Variants in HS3ST5 observed in about 807,000 individuals in gnomAD.
HS3ST5 encodes heparan sulfate glucosamine 3-O-sulfotransferase 5.
In HS3ST5, 10 loss-of-function variants were observed where a neutral mutation model predicts 25.4. That is an observed-to-expected ratio of 0.39 (90% CI 0.24 to 0.67). The LOEUF (loss-of-function observed/expected upper bound fraction) is 0.67. HS3ST5 is among the 30% of genes least tolerant of loss of function. The pLI, the probability that HS3ST5 is intolerant of heterozygous loss-of-function variation, is 0.44. For missense variants in HS3ST5, 324 were observed against 420.7 expected (o/e 0.77, Z 2.01); for synonymous variants, 170 against 162.4 (o/e 1.05, Z -0.36).
chr6:114,144,397 C>T (rs1396445708), intron 3 of HS3ST5, among the ~76,000 whole-genome samples: 4 of 150,800 alleles, frequency 2.7e-5, no homozygotes, highest in Non-Finnish European at 4.4e-5. Context: ...AATCAGAGCC[C>T]GATAAAGACA....
chr6:114,103,604 T>G (rs1303274620), intron 3 of HS3ST5, among the ~76,000 whole-genome samples: 2 of 151,902 alleles, frequency 1.3e-5, no homozygotes, highest in Non-Finnish European at 2.9e-5. Context: ...TTTTTTTTTA[T>G]AGAGACAGGG....
At chr6:114,150,505 A>G (rs1778398017) in intron 3 of HS3ST5, among the ~76,000 whole-genome samples, 1 of 152,246 alleles carries the variant, frequency 6.6e-6, no homozygotes. Context: ...TGCCCTTTAC[A>G]GAGAAGAGAA....
At chr6:114,324,950 T>G (rs1199399308) in intron 1 of HS3ST5, among the ~76,000 whole-genome samples, 1 of 152,208 alleles carries the variant, frequency 6.6e-6, no homozygotes, top group East Asian at 1.9e-4. Flanking sequence ...ACTGTCAAAC[T>G]AGGAAATGAT....
intron 1 of HS3ST5, among the ~76,000 whole-genome samples, chr6:114,264,697 T>G (rs1401284576): frequency 6.6e-6 from 1 of 152,166 alleles, no homozygotes; most frequent in Non-Finnish European, 1.5e-5. Flanking sequence ...GTGAAAAGCT[T>G]GGACTAGTGT....
At chr6:114,176,597 A>G (rs1424392384) in intron 2 of HS3ST5, among the ~76,000 whole-genome samples, 3 of 152,128 alleles carry the variant, frequency 2.0e-5, no homozygotes, top group African/African-American at 7.2e-5. Flanking sequence ...ATGTCATTCA[A>G]CTCAACTCCA....
intron 3 of HS3ST5, among the ~76,000 whole-genome samples, chr6:114,087,016 T>C (rs1774875754): frequency 6.6e-6 from 1 of 152,214 alleles, no homozygotes; most frequent in South Asian, 2.1e-4. Flanking sequence ...CTGACTCCTC[T>C]CTGTCTTTTC....
intron 3 of HS3ST5, chr6:114,084,110 A>C (rs1414612369): frequency 1.5e-5 from 7 of 468,560 alleles, no homozygotes; most frequent in Non-Finnish European, 2.6e-5. Flanking sequence ...TTAGAAACTG[A>C]TGTTTATTTC....
At chr6:114,222,230 T>C (rs1438485714) in intron 2 of HS3ST5, among the ~76,000 whole-genome samples, 1 of 151,922 alleles carries the variant, frequency 6.6e-6, no homozygotes, top group Non-Finnish European at 1.5e-5. Flanking sequence ...TTTTATACCT[T>C]ATTGTAGTCC....
intron 1 of HS3ST5, among the ~76,000 whole-genome samples, chr6:114,232,494 A>C (rs905853477): frequency 1.4e-4 from 21 of 152,042 alleles, no homozygotes; most frequent in African/African-American, 4.1e-4. Flanking sequence ...CTTGACCCAT[A>C]TTTTATTTCT....
At chr6:114,254,759 A>G (rs1206640581) in intron 1 of HS3ST5, among the ~76,000 whole-genome samples, 1 of 152,190 alleles carries the variant, frequency 6.6e-6, no homozygotes, top group Admixed American at 6.5e-5. Context: ...TTATAAAACC[A>G]TCAGATCTCA....
chr6:114,300,786 G>T (rs1775040235), intron 1 of HS3ST5, among the ~76,000 whole-genome samples: 1 of 152,078 alleles, frequency 6.6e-6, no homozygotes, highest in South Asian at 2.1e-4. Context: ...ATAAAAGATG[G>T]TATATTCATA....
chr6:114,196,294 G>T (rs1266496410), intron 2 of HS3ST5, among the ~76,000 whole-genome samples: 1 of 152,112 alleles, frequency 6.6e-6, no homozygotes, highest in African/African-American at 2.4e-5. Flanking sequence ...AAATTAGTAT[G>T]GGGGTCTATA....
intron 1 of HS3ST5, among the ~76,000 whole-genome samples, chr6:114,241,140 T>G (rs900945850): frequency 3.3e-4 from 50 of 150,936 alleles, no homozygotes; most frequent in African/African-American, 1.2e-3. Context: ...CAGTTTTTTT[T>G]TTTTTTTTTT....
chr6:114,201,351 G>C (rs1812872), intron 2 of HS3ST5, among the ~76,000 whole-genome samples: 147,624 of 152,280 alleles, frequency 0.97, 71,730 homozygotes, highest in East Asian at 1. Flanking sequence ...TCCTCATCTC[G>C]TCTGCTATCA....
chr6:114,339,942 T>C (rs140214008), intron 1 of HS3ST5, among the ~76,000 whole-genome samples: 205 of 152,328 alleles, frequency 1.3e-3, no homozygotes, highest in African/African-American at 4.7e-3. Flanking sequence ...CTATTTACAC[T>C]GTGTAGGAGT....
At chr6:114,284,971 G>A (rs187729168) in intron 1 of HS3ST5, among the ~76,000 whole-genome samples, 10 of 152,084 alleles carry the variant, frequency 6.6e-5, no homozygotes, top group African/African-American at 2.4e-4. Context: ...AAGGGGCTAG[G>A]ATATTCTATT....
chr6:114,268,587 C>T lies in HS3ST5; in HGVS notation c.-338-39809G>A, dbSNP rs368780450. Among the ~76,000 whole-genome samples the T allele has an allele frequency of 5.3e-5, 8 of 152,208 alleles. No individual in the cohort carries two copies. The East Asian group carries it at 1.2e-3, about 22-fold the overall frequency. The stretch of plus-strand genomic sequence containing the variant: ...CCCAAAATATGAAAGAAGGAATACT[C>T]ATAGCTAGCTGATAGATTAGCAACA... On this transcript the variant is annotated intron_variant, in intron 1 of 4. Coordinates refer to ENST00000312719, the MANE Select transcript of HS3ST5 (RefSeq NM_153612.4).
intron 1 of HS3ST5, among the ~76,000 whole-genome samples, chr6:114,326,337 C>T (rs999977166): frequency 3.9e-5 from 6 of 152,080 alleles, no homozygotes; most frequent in African/African-American, 4.8e-5. Context: ...TTGCAGTGAA[C>T]GGAGATCACG....
At chr6:114,233,980 A>G (rs1771734260) in intron 1 of HS3ST5, among the ~76,000 whole-genome samples, 1 of 152,238 alleles carries the variant, frequency 6.6e-6, no homozygotes, top group Non-Finnish European at 1.5e-5. Flanking sequence ...AGGAAGACAC[A>G]GGGATACCTG....
Sources: allele counts gnomAD v4.1 joint callset (sites outside exome capture counted in the v4.1 genomes callset), GRCh38; gene constraint gnomAD v4.1.1; transcripts MANE v1.5; gene names NCBI Gene and HGNC (gene_info 2026-07-23, HGNC 2026-07-21).